CYP4V2: variants seen among roughly 807,000 people sequenced by gnomAD.
CYP4V2 encodes the protein cytochrome P450 4V2.
Under a neutral mutation model 60.8 loss-of-function variants are expected in CYP4V2, and 55 were observed. The observed-to-expected ratio is 0.90, with a 90% CI of 0.73 to 1.13. CYP4V2 has a LOEUF of 1.13. CYP4V2 is among the 50% of genes most tolerant of loss of function. The probability of loss-of-function intolerance (pLI) is 0.00; values close to 1 mark genes in which losing one functional copy is unlikely to be tolerated. For synonymous variants in CYP4V2, 239 were observed against 236.8 expected, an observed-to-expected ratio of 1.01 and a Z score of -0.08; for missense variants, 675 against 662.9, an observed-to-expected ratio of 1.02 and a Z score of -0.20.
At chr4:186,193,253 C>T (rs1293529574) in intron 1 of CYP4V2, among the ~76,000 whole-genome samples, 2 of 152,196 alleles carry the variant, frequency 1.3e-5, no homozygotes, top group Non-Finnish European at 2.9e-5. Context: ...CTATCCCCTA[C>T]CCCTGGAAAG....
At chr4:186,209,404 T>C (rs1561438674) in intron 10 of CYP4V2, 132 bp downstream of exon 10, 1 of 1,151,904 alleles carries the variant, frequency 8.7e-7, no homozygotes, top group Non-Finnish European at 1.3e-6. Flanking sequence ...GTGGTTTCTT[T>C]TTTCCCTCAC....
rs1412658540 is a variant in CYP4V2 at position 186,207,549 on chromosome 4, AT to A, written c.1091-1315del. Reference sequence around the variant, plus strand: ...TATTAAAAATTATATAATATATAAAATATATTAAAATATATAAAAATATTAA... The same window carrying A: ...TATTAAAAATTATATAATATATAAAAATATTAAAATATATAAAAATATTAA... On this transcript the variant is annotated intron_variant, in intron 8 of 10. Transcript: ENST00000378802. 2.1e-5 allele frequency among the ~76,000 whole-genome samples: 3 copies of A among 145,258 alleles called. No homozygotes were observed. In the Admixed American group the frequency reaches 2.1e-4, roughly 10 times the overall value.
At chr4:186,202,312 A>C (rs1334855264) in intron 7 of CYP4V2, 1 of 152,218 alleles carries the variant, frequency 6.6e-6, no homozygotes, top group African/African-American at 2.4e-5. Flanking sequence ...AAATTAGCTG[A>C]AAAGTAGAGA....
intron 9 of CYP4V2, 39 bp downstream of exon 9, chr4:186,209,038 C>T: frequency 6.2e-7 from 1 of 1,614,114 alleles, no homozygotes. Flanking sequence ...GAGAGGGAAA[C>T]TTTCTAATGT....
rs1735983983 is a variant in CYP4V2, at chr4:186,191,701, G to T, written c.-123G>T. The T allele has an allele frequency of 2.1e-6, 2 of 960,828 alleles. No individual in the cohort carries two copies. The highest frequency in any genetic ancestry group is 4.6e-5 in the South Asian group (1 of 21,574). 59.5% of individuals were successfully genotyped at this position (960,828 alleles called of 1,614,324 possible). A position where few individuals can be genotyped will look rare whatever the true frequency, so the allele number is the denominator to read the frequency against. ...GTCGTTCCGGGGACCGGGCGACCCC[G>T]CAGCGGGGAGCGCGCCAGGTCCGCG... is the stretch of plus-strand genomic sequence containing the variant. On this transcript the variant is annotated 5_prime_UTR_variant, in exon 1 of 11. Coordinates refer to ENST00000378802, the MANE Select transcript of CYP4V2 (RefSeq NM_207352.4).
At chr4:186,204,761 G>A (rs1736445302) in intron 7 of CYP4V2, 2 of 256,980 alleles carry the variant, frequency 7.8e-6, no homozygotes, top group Middle Eastern at 1.5e-3. Flanking sequence ...AATTTTTACT[G>A]CAGAGGATAT....
rs1467707738 is a variant in CYP4V2, at chr4:186,197,039, T to C, written c.513T>C (p.Asn171=). ...DFLDIMNEQA[N]ILVKKLEKHI... is the part of the protein sequence containing the mutation. ...TAGATATCATGAATGAACAAGCAAATATATTGGTTAAGAAACTTGAAAAAC... is the reference window on the plus strand; with the variant it reads ...TAGATATCATGAATGAACAAGCAAACATATTGGTTAAGAAACTTGAAAAAC... Residue 171 remains asparagine, a synonymous_variant, in exon 4 of 11, where the codon AAT becomes AAC. Coordinates refer to ENST00000378802, the MANE Select transcript of CYP4V2 (RefSeq NM_207352.4). The C allele has an allele frequency of 6.2e-6, 10 of 1,613,654 alleles. No individual in the cohort carries two copies. The highest frequency in any genetic ancestry group is 8.5e-6 in the Non-Finnish European group (10 of 1,179,980).
At chr4:186,197,357 A>G in intron 4 of CYP4V2, 176 bp from the exon 5 acceptor site, 1 of 844,188 alleles carries the variant, frequency 1.2e-6, no homozygotes. Flanking sequence ...AAGGAAGAAC[A>G]GGAACAGGGA....
chr4:186,194,704 G>T, intron 2 of CYP4V2, 92 bp downstream of exon 2: 5 of 1,192,056 alleles, frequency 4.2e-6, no homozygotes, highest in Non-Finnish European at 4.9e-6. Flanking sequence ...TTATATTTCA[G>T]CCATTTCAGC....
chr4:186,192,444 T>G (rs915333114), intron 1 of CYP4V2: 3 of 356,802 alleles, frequency 8.4e-6, no homozygotes, highest in Non-Finnish European at 1.6e-5. Flanking sequence ...TCGCTGCCAC[T>G]TTGGAAAATA....
rs1016076116 is a variant in CYP4V2 at position 186,192,099 on chromosome 4, T to C, written c.214+62T>C. The C allele has an allele frequency of 4.6e-6, 7 of 1,525,178 alleles. No individual in the cohort carries two copies. The African/African-American group carries it at 8.2e-5, about 18-fold the overall frequency. The allele number at this position is 1,525,178 out of a possible 1,614,324, so 94.5% of individuals were successfully genotyped here. ...CCGCAGCCCCGTTCCCACCCTCCGATCAGCCAGGAACCCGCTGCTTGTGGC... is the reference window on the plus strand; with the variant it reads ...CCGCAGCCCCGTTCCCACCCTCCGACCAGCCAGGAACCCGCTGCTTGTGGC... On this transcript the variant is annotated intron_variant, in intron 1 of 10. Transcript: ENST00000378802.
In CYP4V2 at chr4:186,210,582, C is replaced by T. The variant is rs752147669; in HGVS notation, c.1519C>T (p.Leu507Phe). 1.2e-6 allele frequency: 2 copies of T among 1,614,138 alleles called. No homozygotes were observed. Among genetic ancestry groups the T allele is most frequent in the South Asian group, 2.2e-5 (2 of 91,084 alleles). Residue 507 changes from leucine to phenylalanine, a missense_variant, in exon 11 of 11, where the codon CTT becomes TTT. By Grantham distance (22) the Leu-to-Phe change is conservative. Coordinates refer to ENST00000378802, the MANE Select transcript of CYP4V2 (RefSeq NM_207352.4). ...EELGLEGQLI[L>F]RPSNGIWIKL... Reference sequence around the variant, plus strand: ...GCTTGGTCTAGAAGGACAGTTGATTCTTCGTCCAAGTAATGGCATCTGGAT... The same window carrying T: ...GCTTGGTCTAGAAGGACAGTTGATTTTTCGTCCAAGTAATGGCATCTGGAT...
Position 186,208,954 on chromosome 4 carries a change from T to C in CYP4V2, c.1180T>C (p.Ser394Pro). The change falls in exon 9 of 11, where the codon TCT becomes CCT. Residue 394 changes from serine to proline, a missense_variant. Transcript: ENST00000378802. ...TAAGGAGACCCTTCGCCTTTTTCCT[T>C]CTGTTCCTTTATTTGCCCGTAGTGT... is the stretch of plus-strand genomic sequence containing the variant. ...VIKETLRLFP[S>P]VPLFARSVSE... The C allele has an allele frequency of 6.2e-7, 1 of 1,614,196 alleles. No individual in the cohort carries two copies. Among genetic ancestry groups the C allele is most frequent in the Non-Finnish European group, 8.5e-7 (1 of 1,180,012 alleles).
At chr4:186,192,730 T>A (rs1288413819) in intron 1 of CYP4V2, among the ~76,000 whole-genome samples, 1 of 152,194 alleles carries the variant, frequency 6.6e-6, no homozygotes, top group Non-Finnish European at 1.5e-5. Context: ...CAAAAGTACC[T>A]GGTATTTACA....
rs1028106294 is a variant in CYP4V2 at position 186,211,531 on chromosome 4, C to A, written c.*890C>A. 4 of 152,082 alleles carry A rather than the reference C, an allele frequency of 2.6e-5. No individual in the cohort carries two copies. The highest frequency in any genetic ancestry group is 9.7e-5 in the African/African-American group (4 of 41,394). 9.4% of individuals were successfully genotyped at this position (152,082 alleles called of 1,614,324 possible). On this transcript the variant is annotated 3_prime_UTR_variant, in exon 11 of 11. Transcript: ENST00000378802. Reference sequence around the variant, plus strand: ...GTTTCACCATGTTGGCCAGGATGGTCTTGATCTCTTGACCTCGTGATCTGC... The same window carrying A: ...GTTTCACCATGTTGGCCAGGATGGTATTGATCTCTTGACCTCGTGATCTGC...
At position 186,197,137 on chromosome 4, in the gene CYP4V2, C is replaced by G; in HGVS notation, c.604+7C>G. ...GCCTTAGATATCATCTGTGGTGAGT[C>G]TCATCGATCTGTTTCTAAATTTATG... is the stretch of plus-strand genomic sequence containing the variant. On this transcript the variant is annotated splice_region_variant and intron_variant, in intron 4 of 10. Coordinates refer to ENST00000378802, the MANE Select transcript of CYP4V2 (RefSeq NM_207352.4). 1 of 1,613,382 alleles carries G rather than the reference C, an allele frequency of 6.2e-7. No homozygotes were observed. Among genetic ancestry groups the G allele is most frequent in the Non-Finnish European group, 8.5e-7 (1 of 1,179,868 alleles).
rs1736188261 is a variant in CYP4V2, at chr4:186,197,561, T to C, written c.633T>C (p.Ala211=). The C allele has an allele frequency of 6.2e-7, 1 of 1,614,132 alleles. No individual in the cohort carries two copies. Among genetic ancestry groups the C allele is most frequent in the Non-Finnish European group, 8.5e-7 (1 of 1,180,044 alleles). The change falls in exon 5 of 11, where the codon GCT becomes GCC. Residue 211 remains alanine, a synonymous_variant. Coordinates refer to ENST00000378802, the MANE Select transcript of CYP4V2 (RefSeq NM_207352.4). ...CETAMGKNIG[A]QSNDDSEYVR... ...CAGCTATGGGGAAGAATATTGGTGC[T>C]CAAAGTAATGATGATTCCGAGTATG...
rs199476203 is a variant in CYP4V2 at position 186,208,973 on chromosome 4, G to A, written c.1199G>A (p.Arg400His). The A allele has an allele frequency of 2.4e-5, 39 of 1,614,140 alleles. No homozygotes were observed. The highest frequency in any genetic ancestry group is 1.3e-4 in the Admixed American group (8 of 60,016). ...RLFPSVPLFA[R>H]SVSEDCEVAG... ...TTTCCTTCTGTTCCTTTATTTGCCCGTAGTGTTAGTGAAGATTGTGAAGTG... is the reference window on the plus strand; with the variant it reads ...TTTCCTTCTGTTCCTTTATTTGCCCATAGTGTTAGTGAAGATTGTGAAGTG... Residue 400 changes from arginine (R) to histidine (H), a missense_variant, in exon 9 of 11, where the codon CGT becomes CAT. Physicochemically the swap from Arg to His is conservative, Grantham distance 29. Transcript: ENST00000378802.
chr4:186,210,089 T>G (rs562363836), intron 10 of CYP4V2, among the ~76,000 whole-genome samples: 1 of 152,314 alleles, frequency 6.6e-6, no homozygotes, highest in South Asian at 2.1e-4. Context: ...ATTTTGTCAT[T>G]TATGTAAATG....
Sources: gnomAD v4.1 joint callset for allele counts (sites outside exome capture counted in the v4.1 genomes callset) on GRCh38, gnomAD v4.1.1 for gene constraint, MANE v1.5 for transcripts, NCBI Gene and HGNC (gene_info 2026-07-23, HGNC 2026-07-21) for gene names.